Variants in MCOLN2 observed in about 807,000 individuals in gnomAD.
MCOLN2 encodes the protein mucolipin TRP cation channel 2, also known as mucolipin-2.
A neutral mutation model predicts 67.5 loss-of-function variants in MCOLN2; 57 were observed. The ratio of observed to expected loss-of-function variants is 0.84; its 90% CI spans 0.68 to 1.05. MCOLN2 has a LOEUF of 1.05. MCOLN2 is among the 50% of genes least tolerant of loss of function. The pLI, the probability that MCOLN2 is intolerant of heterozygous loss-of-function variation, is 0.00. For synonymous variants in MCOLN2, 246 were observed against 233.3 expected, an observed-to-expected ratio of 1.05 and a Z score of -0.50; for missense variants, 620 against 678.8, an observed-to-expected ratio of 0.91 and a Z score of 0.96.
chr1:84,965,628 C>T lies in MCOLN2; in HGVS notation c.158G>A (p.Cys53Tyr), dbSNP rs755162384. Residue 53 changes from cysteine to tyrosine, a missense_variant, in exon 2 of 14, where the codon TGT becomes TAT. Cys to Tyr is a radical substitution (Grantham distance 194, BLOSUM62 -2). Coordinates refer to ENST00000370608, the MANE Select transcript of MCOLN2 (RefSeq NM_153259.4). ...CTGGCGTCTGGCTCGGTATTTTTCA[C>T]AAGGGCTCATGAAGTAAAACTTCAG... Reference protein sequence around the residue: ...EDLKFYFMSPCEKYRARRQIP... With the variant: ...EDLKFYFMSPYEKYRARRQIP... The T allele has an allele frequency of 1.9e-6, 3 of 1,614,060 alleles. No individual in the cohort carries two copies. In the South Asian group the frequency reaches 3.3e-5, roughly 18 times the overall value.
intron 1 of MCOLN2, among the ~76,000 whole-genome samples, chr1:84,986,031 G>A (rs769753305): frequency 5.9e-5 from 9 of 152,134 alleles, no homozygotes; most frequent in Non-Finnish European, 1.3e-4. Flanking sequence ...CACATTACCT[G>A]ACTTCAAACT....
chr1:84,964,208 A>G (rs1346703738), intron 2 of MCOLN2, among the ~76,000 whole-genome samples: 3 of 152,138 alleles, frequency 2.0e-5, no homozygotes, highest in South Asian at 2.1e-4. Context: ...GCTGGTACAC[A>G]TGGCATGTCA....
intron 1 of MCOLN2, among the ~76,000 whole-genome samples, chr1:84,972,891 G>GT (rs1349877065): frequency 6.6e-6 from 1 of 152,154 alleles, no homozygotes; most frequent in Non-Finnish European, 1.5e-5. Context: ...CAGTTTCAGT[G>GT]ATGGTATTTT....
Position 84,940,992 on chromosome 1 carries a change from C to A in MCOLN2, c.848-1G>T. On this transcript the variant is annotated splice_acceptor_variant, in intron 7 of 13. Transcript: ENST00000370608. LOFTEE classifies it high-confidence loss of function. ...AGGACATACTGAGCATTTTTCTGAG[C>A]TGAGGAATAAAACAGAATTCAAATG... 6.3e-7 allele frequency: 1 copy of A among 1,598,846 alleles called. No homozygotes were observed. Among genetic ancestry groups the A allele is most frequent in the South Asian group, 1.1e-5 (1 of 89,680 alleles).
chr1:84,992,704 A>C (rs1210484344), intron 1 of MCOLN2, among the ~76,000 whole-genome samples: 1 of 152,238 alleles, frequency 6.6e-6, no homozygotes, highest in Non-Finnish European at 1.5e-5. Context: ...TATAAAAGTT[A>C]TGTTTACACT....
chr1:84,966,141 T>C (rs591772), intron 1 of MCOLN2, among the ~76,000 whole-genome samples: 53,515 of 151,446 alleles, frequency 0.35, 9,773 homozygotes, highest in African/African-American at 0.43. Flanking sequence ...AATCTCAGTT[T>C]CTCGGGAGGC....
At chr1:84,939,022 T>A (rs561929239) in intron 9 of MCOLN2, among the ~76,000 whole-genome samples, 1 of 152,208 alleles carries the variant, frequency 6.6e-6, no homozygotes, top group South Asian at 2.1e-4. Flanking sequence ...GAATTAGGCA[T>A]GTCAGGGTTA....
At chr1:84,965,061 A>G (rs991041821) in intron 2 of MCOLN2, among the ~76,000 whole-genome samples, 10 of 152,296 alleles carry the variant, frequency 6.6e-5, no homozygotes, top group Admixed American at 6.5e-4. Flanking sequence ...TGATCATGGT[A>G]ATAAAGAGCT....
At chr1:84,939,745 G>A (rs777852477) in intron 8 of MCOLN2, 43 bp from the exon 9 acceptor site, 34 of 1,603,894 alleles carry the variant, frequency 2.1e-5, no homozygotes, top group Non-Finnish European at 2.7e-5. Context: ...AAACCACACT[G>A]CCCTCTGGAA....
intron 1 of MCOLN2, among the ~76,000 whole-genome samples, chr1:84,981,243 T>C (rs112576925): frequency 2.6e-5 from 4 of 152,236 alleles, no homozygotes; most frequent in African/African-American, 9.6e-5. Flanking sequence ...GAGAACAGTT[T>C]GGAGGTTCCT....
intron 1 of MCOLN2, among the ~76,000 whole-genome samples, chr1:84,989,663 A>T (rs918933801): frequency 6.6e-6 from 1 of 152,174 alleles, no homozygotes. Context: ...AATTTAGAAG[A>T]TGTAAAAATG....
chr1:84,964,995 A>C (rs1484003558), intron 2 of MCOLN2, among the ~76,000 whole-genome samples: 2 of 152,184 alleles, frequency 1.3e-5, no homozygotes, highest in Non-Finnish European at 2.9e-5. Context: ...AAGCCTCCCC[A>C]ATACTGGTTC....
At chr1:84,962,223 C>T (rs1244829809) in intron 2 of MCOLN2, among the ~76,000 whole-genome samples, 2 of 152,200 alleles carry the variant, frequency 1.3e-5, no homozygotes, top group Non-Finnish European at 2.9e-5. Context: ...AAGTAAACTA[C>T]AGTTCCCAGA....
At chr1:84,940,029 G>C (rs777937890) in intron 8 of MCOLN2, among the ~76,000 whole-genome samples, 1 of 151,972 alleles carries the variant, frequency 6.6e-6, no homozygotes, top group Non-Finnish European at 1.5e-5. Flanking sequence ...AAGCAGGTAC[G>C]AGCAGGTCTA....
At chr1:84,952,044 G>A (rs531858276) in intron 6 of MCOLN2, among the ~76,000 whole-genome samples, 199 bp downstream of exon 6, 7 of 152,126 alleles carry the variant, frequency 4.6e-5, no homozygotes, top group Non-Finnish European at 8.8e-5. Flanking sequence ...CTGAGATCAC[G>A]CCACTGCACT....
intron 7 of MCOLN2, among the ~76,000 whole-genome samples, chr1:84,945,353 A>G (rs1648035746): frequency 6.6e-6 from 1 of 150,796 alleles, no homozygotes; most frequent in African/African-American, 2.5e-5. Context: ...GGACTTAGAA[A>G]ATATGCCCCT....
At chr1:84,948,162 A>G (rs1648218971) in intron 6 of MCOLN2, among the ~76,000 whole-genome samples, 1 of 152,206 alleles carries the variant, frequency 6.6e-6, no homozygotes, top group African/African-American at 2.4e-5. Context: ...CCAGCTGGGC[A>G]GCAATTGCCC....
chr1:84,948,440 T>G (rs78430733), intron 6 of MCOLN2, among the ~76,000 whole-genome samples: 3,849 of 152,210 alleles, frequency 0.025, 168 homozygotes, highest in African/African-American at 0.088. Context: ...CAGGAAAAAG[T>G]CTATCCCTGT....
chr1:84,954,787 T>C (rs1014808627), intron 4 of MCOLN2, among the ~76,000 whole-genome samples: 8 of 152,380 alleles, frequency 5.3e-5, no homozygotes, highest in Middle Eastern at 3.4e-3. Flanking sequence ...TGCTAGGCAC[T>C]GAAGGTAAAG....
Sources: allele counts gnomAD v4.1 joint callset (sites outside exome capture counted in the v4.1 genomes callset), GRCh38; gene constraint gnomAD v4.1.1; transcripts MANE v1.5; gene names NCBI Gene and HGNC (gene_info 2026-07-23, HGNC 2026-07-21).